PDXDC1: variants seen among roughly 807,000 people sequenced by gnomAD.
PDXDC1 encodes the protein pyridoxal dependent decarboxylase domain containing 1.
Under a neutral mutation model 100.1 loss-of-function variants are expected in PDXDC1, and 42 were observed. The observed-to-expected ratio is 0.42, with a 90% CI of 0.33 to 0.54. PDXDC1 has a LOEUF of 0.54. PDXDC1 is among the 20% of genes least tolerant of loss of function. The pLI is 0.10. For missense variants in PDXDC1, 636 were observed against 979.2 expected (o/e 0.65, Z 4.68); for synonymous variants, 260 against 371.7 (o/e 0.70, Z 3.46).
chr16:15,074,258 G>A (rs1200968646), intron 16 of PDXDC1, among the ~76,000 whole-genome samples: 1 of 152,152 alleles, frequency 6.6e-6, no homozygotes, highest in African/African-American at 2.4e-5. Flanking sequence ...TCTTAGCAAT[G>A]TGAATGGAAA....
In PDXDC1 at chr16:15,104,240, A is replaced by C. The variant is rs2046677842; in HGVS notation, c.1400-34639A>C. On this transcript the variant is annotated intron_variant, in intron 16 of 16. Coordinates refer to the PDXDC1 transcript ENST00000535621. ...TCTAAAGATTAAAAAAACCCCTACGATTAAAAACCTCAGGTCCCTCAGGCA... is the reference window on the plus strand; with the variant it reads ...TCTAAAGATTAAAAAAACCCCTACGCTTAAAAACCTCAGGTCCCTCAGGCA... 3 of 1,269,890 alleles carry C rather than the reference A, an allele frequency of 2.4e-6. No individual in the cohort carries two copies. The South Asian group carries it at 5.0e-5, about 21-fold the overall frequency. 78.7% of individuals were successfully genotyped at this position (1,269,890 alleles called of 1,614,324 possible). A position where few individuals can be genotyped will look rare whatever the true frequency, so the allele number is the denominator to read the frequency against.
At chr16:14,993,178 C>T (rs998205431) in intron 1 of PDXDC1, among the ~76,000 whole-genome samples, 27 of 152,054 alleles carry the variant, frequency 1.8e-4, no homozygotes, top group Non-Finnish European at 3.2e-4. Flanking sequence ...TTTTAGGGTA[C>T]GTGTGCACAA....
chr16:15,104,449 T>G lies in PDXDC1; in HGVS notation c.1400-34430T>G, dbSNP rs1598087582. 1,059 of 1,248,172 alleles carry G rather than the reference T, an allele frequency of 8.5e-4. 2 individuals are homozygous for G. The highest frequency in any genetic ancestry group is 2.3e-3 in the South Asian group (150 of 65,180). 77.3% of individuals were successfully genotyped at this position (1,248,172 alleles called of 1,614,324 possible). A position where few individuals can be genotyped will look rare whatever the true frequency, so the allele number is the denominator to read the frequency against. On this transcript the variant is annotated intron_variant, in intron 16 of 16. Coordinates refer to the PDXDC1 transcript ENST00000535621. ...CATCCGCTGAGGGTGGAGCTGAGGG[T>G]GGAAGGGGAGTGAGCAGACACACTC... is the stretch of plus-strand genomic sequence containing the variant.
chr16:15,077,323 T>G (rs1335753657), intron 16 of PDXDC1, among the ~76,000 whole-genome samples: 1 of 152,172 alleles, frequency 6.6e-6, no homozygotes, highest in African/African-American at 2.4e-5. Context: ...GTCACACATG[T>G]TGCTGGGGGG....
chr16:14,981,039 A>G (rs868379411), intron 1 of PDXDC1, among the ~76,000 whole-genome samples: 1 of 152,266 alleles, frequency 6.6e-6, no homozygotes. Context: ...TTTTTGGACA[A>G]ATCCTTGTAT....
intron 16 of PDXDC1, among the ~76,000 whole-genome samples, chr16:15,089,786 CAAA>C (rs142235345): frequency 8.3e-3 from 552 of 66,518 alleles, no homozygotes; most frequent in Middle Eastern, 0.016. Context: ...GGCGACAGAG[CAAA>C]AAAAAAAAAA....
At chr16:15,028,236 C>A (rs1291204599) in intron 14 of PDXDC1, among the ~76,000 whole-genome samples, 1 of 152,290 alleles carries the variant, frequency 6.6e-6, no homozygotes, top group Admixed American at 6.5e-5. Flanking sequence ...GCTTAACACT[C>A]GGCGTTCCCT....
rs774953823 is a variant in PDXDC1 at position 15,038,207 on chromosome 16, G to A, written c.*1932G>A. On this transcript the variant is annotated 3_prime_UTR_variant, in exon 23 of 23. Transcript: ENST00000396410. ...GGCTCAGCCAGAGGCGAAGTGGAAAGATTCTGAAAACACAAGATGGTGGGC... is the reference window on the plus strand; with the variant it reads ...GGCTCAGCCAGAGGCGAAGTGGAAAAATTCTGAAAACACAAGATGGTGGGC... The A allele has an allele frequency of 2.5e-6, 4 of 1,611,712 alleles. No individual in the cohort carries two copies. The highest frequency in any genetic ancestry group is 1.7e-5 in the Admixed American group (1 of 59,584).
At chr16:15,014,966 C>T (rs552594444) in intron 8 of PDXDC1, among the ~76,000 whole-genome samples, 5 of 152,408 alleles carry the variant, frequency 3.3e-5, no homozygotes, top group Admixed American at 6.5e-5. Context: ...GAGCTGGAGT[C>T]TTGCTTTGTT....
At chr16:14,988,408 G>A (rs372665460) in intron 1 of PDXDC1, 1 of 1,614,288 alleles carries the variant, frequency 6.2e-7, no homozygotes, top group South Asian at 1.1e-5. Flanking sequence ...CCGGGGTCCT[G>A]CTGAGCCATG....
chr16:14,983,184 G>A (rs1412670700), intron 1 of PDXDC1, among the ~76,000 whole-genome samples: 5 of 152,266 alleles, frequency 3.3e-5, no homozygotes, highest in Admixed American at 2.0e-4. Context: ...TGAAACGAAA[G>A]TATTATATAC....
At chr16:14,977,568 G>T in intron 1 of PDXDC1, among the ~76,000 whole-genome samples, 1 of 152,302 alleles carries the variant, frequency 6.6e-6, no homozygotes, top group East Asian at 1.9e-4. Context: ...GTAAGCCACT[G>T]CACCTGGCCG....
chr16:14,992,341 C>A (rs888439385), intron 1 of PDXDC1, among the ~76,000 whole-genome samples: 6 of 152,284 alleles, frequency 3.9e-5, no homozygotes, highest in Non-Finnish European at 8.8e-5. Context: ...AGATAAAAGT[C>A]ATGAGGATAT....
At chr16:15,126,225 G>A (rs1488173539) in intron 16 of PDXDC1, among the ~76,000 whole-genome samples, 2 of 149,112 alleles carry the variant, frequency 1.3e-5, no homozygotes, top group South Asian at 2.2e-4. Flanking sequence ...TAGTAGAGAC[G>A]GGGTTTCACT....
intron 16 of PDXDC1, among the ~76,000 whole-genome samples, chr16:15,076,980 C>CCT (rs370008932): frequency 6.9e-6 from 1 of 143,916 alleles, no homozygotes; most frequent in Non-Finnish European, 1.5e-5. Flanking sequence ...ACCCAAATCA[C>CCT]TTTTTTTTTT....
chr16:15,100,190 TA>T (rs1206470979), intron 16 of PDXDC1, among the ~76,000 whole-genome samples: 2 of 152,034 alleles, frequency 1.3e-5, no homozygotes, highest in East Asian at 3.9e-4. Context: ...GGCTGAATGG[TA>T]GGGCGGATCC....
rs527370780 is a variant in PDXDC1 at position 15,092,509 on chromosome 16, C to A, written c.1400-46370C>A. 4 of 1,603,106 alleles carry A rather than the reference C, an allele frequency of 2.5e-6. No individual in the cohort carries two copies. In the South Asian group the frequency reaches 4.4e-5, roughly 18 times the overall value. The stretch of plus-strand genomic sequence containing the variant: ...AACCTCACACATTATCTCCCCTTAC[C>A]TTTTTGTACTTCAGCAAGACTTCTG... On this transcript the variant is annotated intron_variant, in intron 16 of 16. Transcript: ENST00000535621.
intron 16 of PDXDC1, chr16:15,125,497 A>C: frequency 7.7e-7 from 1 of 1,292,760 alleles, no homozygotes; most frequent in Non-Finnish European, 1.1e-6. Context: ...CACCCCCGGT[A>C]CTCCAGACAC....
chr16:15,131,686 C>T (rs1319619535), intron 16 of PDXDC1: 16 of 1,510,446 alleles, frequency 1.1e-5, no homozygotes, highest in South Asian at 3.4e-5. Context: ...CACGTCTGAG[C>T]TGGCCAGGTG....
Sources: allele counts gnomAD v4.1 joint callset (sites outside exome capture counted in the v4.1 genomes callset), GRCh38; gene constraint gnomAD v4.1.1; transcripts MANE v1.5; gene names NCBI Gene and HGNC (gene_info 2026-07-23, HGNC 2026-07-21).